The following IQCN variants were observed in gnomAD, a reference collection of about 807,000 sequenced individuals.
IQCN encodes the protein IQ domain-containing protein N.
A neutral mutation model predicts 64.4 loss-of-function variants in IQCN; 46 were observed. The ratio of observed to expected loss-of-function variants is 0.71; its 90% CI spans 0.56 to 0.91. IQCN has a LOEUF of 0.91. Among genes scored for constraint, IQCN ranks in the 40% least tolerant of loss-of-function variants. The pLI, the probability that IQCN is intolerant of heterozygous loss-of-function variation, is 0.00. For missense variants in IQCN, 1,753 were observed against 1,857.4 expected, an observed-to-expected ratio of 0.94 and a Z score of 1.03; for synonymous variants, 733 against 775.6, an observed-to-expected ratio of 0.95 and a Z score of 0.91.
At chr19:18,260,331 GAGGGAT>G (rs1969398085) in intron 3 of IQCN, 1 of 152,550 alleles carries the variant, frequency 6.6e-6, no homozygotes, top group Non-Finnish European at 1.5e-5. Flanking sequence ...TCCAGCCACA[GAGGGAT>G]ATGGTCCACC....
rs377029037 is a variant in IQCN, at chr19:18,267,536, C to T, written c.14-10G>A. The T allele has an allele frequency of 1.3e-5, 20 of 1,511,706 alleles. No homozygotes were observed. Among genetic ancestry groups the T allele is most frequent in the African/African-American group, 4.2e-5 (3 of 71,556 alleles). The allele number at this position is 1,511,706 out of a possible 1,614,324, so 93.6% of individuals were successfully genotyped here. On this transcript the variant is annotated splice_polypyrimidine_tract_variant and intron_variant, in intron 2 of 3. Coordinates refer to ENST00000392413, the MANE Select transcript of IQCN (RefSeq NM_001145304.2). ...GACAGGTCAGCTCTGCCTGTGGGGG[C>T]GGCAGGGGGTGGTCAGGGTGTAGCA...
At chr19:18,258,143 A>G in intron 3 of IQCN, 37 bp from the exon 4 acceptor site, 1 of 1,597,532 alleles carries the variant, frequency 6.3e-7, no homozygotes, top group Non-Finnish European at 8.5e-7. Flanking sequence ...CCTTGTGACT[A>G]ACGGCAGGAT....
At position 18,265,390 on chromosome 19, in the gene IQCN, T is replaced by C. The variant is rs1244196533; in HGVS notation, c.2150A>G (p.His717Arg). The change falls in exon 3 of 4, where the codon CAT becomes CGT. Residue 717 changes from histidine to arginine, a missense_variant. Coordinates refer to ENST00000392413, the MANE Select transcript of IQCN (RefSeq NM_001145304.2). This position sits in a 1 kb window ranked among gnomAD's most constrained non-coding sequence, Gnocchi z 4.7. ...ACCTGTGGCCAGATGTGTCTGGGAATGCATCTTGCTCAGACAGGTGTCCAG... is the reference window on the plus strand; with the variant it reads ...ACCTGTGGCCAGATGTGTCTGGGAACGCATCTTGCTCAGACAGGTGTCCAG... ...AHLDTCLSKM[H>R]SQTHLATGAV... The C allele has an allele frequency of 1.2e-6, 2 of 1,614,060 alleles. No individual in the cohort carries two copies. Among genetic ancestry groups the C allele is most frequent in the African/African-American group, 2.7e-5 (2 of 74,920 alleles).
chr19:18,258,590 C>T (rs988107770), intron 3 of IQCN: 28 of 363,708 alleles, frequency 7.7e-5, no homozygotes, highest in African/African-American at 1.5e-4. Flanking sequence ...CCCTTCTAGC[C>T]GAGGACGGAT....
chr19:18,262,692 C>G (rs1381646966), intron 3 of IQCN: 1 of 152,192 alleles, frequency 6.6e-6, no homozygotes, highest in Non-Finnish European at 1.5e-5. Flanking sequence ...CATAGATGGG[C>G]AGGTTAGCCT....
At chr19:18,269,826 CTG>C (rs1009243024) in intron 1 of IQCN, among the ~76,000 whole-genome samples, 3 of 152,108 alleles carry the variant, frequency 2.0e-5, no homozygotes, top group African/African-American at 7.2e-5. Flanking sequence ...ATGTTTAACA[CTG>C]TATTGTTTAG....
At position 18,264,373 on chromosome 19, in the gene IQCN, T is replaced by G; in HGVS notation, c.3167A>C (p.Gln1056Pro). 1 of 1,488,128 alleles carries G rather than the reference T, an allele frequency of 6.7e-7. No homozygotes were observed. Among genetic ancestry groups the G allele is most frequent in the South Asian group, 1.3e-5 (1 of 75,268 alleles). The allele number at this position is 1,488,128 out of a possible 1,614,324, so 92.2% of individuals were successfully genotyped here. Residue 1056 changes from glutamine (Q) to proline (P), a missense_variant, in exon 3 of 4, where the codon CAG becomes CCG. Coordinates refer to ENST00000392413, the MANE Select transcript of IQCN (RefSeq NM_001145304.2). The surrounding 1 kb of genome is among the most constrained non-coding windows in gnomAD (Gnocchi z 4.3). ...CTGGGAATCCCTGACCTTGCTGGTC[T>G]GTGGTCTCACGGGGCCCAGGGAGGG... The part of the protein sequence containing the change: ...WGPSLGPVRP[Q>P]TSKGPADAGV...
Position 18,264,729 on chromosome 19 carries a change from C to T in IQCN, c.2811G>A (p.Leu937=), listed in dbSNP as rs142516711. Residue 937 remains leucine (L), a synonymous_variant, in exon 3 of 4, where the codon CTG becomes CTA. Coordinates refer to ENST00000392413, the MANE Select transcript of IQCN (RefSeq NM_001145304.2). This position sits in a 1 kb window ranked among gnomAD's most constrained non-coding sequence, Gnocchi z 4.3. ...ALPQSMLSMA[L]VKALSWSELR... ...GCTCACTCCAGGACAGCGCCTTCACCAGCGCCATGCTCAGCATGCTCTGGG... is the reference window on the plus strand; with the variant it reads ...GCTCACTCCAGGACAGCGCCTTCACTAGCGCCATGCTCAGCATGCTCTGGG... 937 of 1,551,110 alleles carry T rather than the reference C, an allele frequency of 6.0e-4. 7 individuals carry two copies. In the African/African-American group the frequency reaches 0.011, roughly 19 times the overall value.
At chr19:18,258,724 G>A (rs1439811673) in intron 3 of IQCN, 2 of 318,340 alleles carry the variant, frequency 6.3e-6, no homozygotes, top group African/African-American at 4.3e-5. Flanking sequence ...GCCAGCTGGG[G>A]TGATCCTGAG....
rs146116362 is a variant in IQCN, at chr19:18,266,778, G to C, written c.762C>G (p.Asp254Glu). 9 of 1,614,162 alleles carry C rather than the reference G, an allele frequency of 5.6e-6. No individual in the cohort carries two copies. Among genetic ancestry groups the C allele is most frequent in the South Asian group, 2.2e-5 (2 of 91,080 alleles). ...TCAGCAGGCATGGCTGGCATTTTGC[G>C]TCCAGACTCACTGGGCAGGGAAATC... Reference protein sequence around the residue: ...TIRFPCPVSLDAKCQPCLLTR... With the variant: ...TIRFPCPVSLEAKCQPCLLTR... The change falls in exon 3 of 4, where the codon GAC (aspartate) becomes GAG (glutamate). Residue 254 changes from aspartate to glutamate, a missense_variant. By Grantham distance (45) the Asp-to-Glu change is conservative. Transcript: ENST00000392413. This position sits in a 1 kb window ranked among gnomAD's most constrained non-coding sequence, Gnocchi z 4.3.
intron 1 of IQCN, among the ~76,000 whole-genome samples, chr19:18,270,758 T>C (rs1969718136): frequency 6.6e-6 from 1 of 151,316 alleles, no homozygotes; most frequent in Non-Finnish European, 1.5e-5. Context: ...GTTCAAGTGA[T>C]TCTTGTGCCT....
chr19:18,258,170 G>C (rs780757439), intron 3 of IQCN, 64 bp from the exon 4 acceptor site: 33 of 1,547,450 alleles, frequency 2.1e-5, no homozygotes, highest in Middle Eastern at 1.7e-4. Flanking sequence ...GGCTATAGGA[G>C]TCCTGCCGTC....
At chr19:18,268,292 C>CA (rs1320471455) in intron 2 of IQCN, among the ~76,000 whole-genome samples, 5 of 150,330 alleles carry the variant, frequency 3.3e-5, no homozygotes, top group South Asian at 2.1e-4. Context: ...TCCTAGAAGA[C>CA]AGAGTCATTT....
chr19:18,269,971 CT>C (rs1366736002), intron 1 of IQCN, among the ~76,000 whole-genome samples: 1 of 146,156 alleles, frequency 6.8e-6, no homozygotes, highest in Non-Finnish European at 1.5e-5. Flanking sequence ...AATCCCAGCA[CT>C]TTGGGAGGCC....
chr19:18,260,748 C>A (rs1969408586), intron 3 of IQCN: 1 of 152,796 alleles, frequency 6.5e-6, no homozygotes, highest in Admixed American at 6.5e-5. Context: ...GTGAGCTAGA[C>A]TTGGAGACAA....
rs541551918 is a variant in IQCN, at chr19:18,258,822, G to T, written c.3178-716C>A. The stretch of plus-strand genomic sequence containing the variant: ...CTGTTGATAAACTGAGGGGGACTTA[G>T]TGGCTAAACCCGGGGCCTGGAAAGG... On this transcript the variant is annotated intron_variant, in intron 3 of 3. Transcript: ENST00000392413. The T allele has an allele frequency of 6.8e-4, 137 of 200,402 alleles. 1 individual carries two copies. The highest frequency in any genetic ancestry group is 1.3e-3 in the Non-Finnish European group (121 of 96,354). 12.4% of individuals were successfully genotyped at this position (200,402 alleles called of 1,614,324 possible). A position where few individuals can be genotyped will look rare whatever the true frequency, so the allele number is the denominator to read the frequency against.
intron 1 of IQCN, among the ~76,000 whole-genome samples, chr19:18,272,231 G>A (rs999645843): frequency 2.6e-5 from 4 of 151,166 alleles, no homozygotes; most frequent in Non-Finnish European, 4.4e-5. Context: ...GGTTTCCAGC[G>A]ATTCTCCTAC....
At chr19:18,263,512 C>G (rs751292092) in intron 3 of IQCN, among the ~76,000 whole-genome samples, 1 of 152,152 alleles carries the variant, frequency 6.6e-6, no homozygotes, top group Non-Finnish European at 1.5e-5. Flanking sequence ...AATGCACTGC[C>G]GGGGGAAGCT....
chr19:18,271,414 G>A (rs1969732415), intron 1 of IQCN, among the ~76,000 whole-genome samples: 1 of 149,476 alleles, frequency 6.7e-6, no homozygotes, highest in Non-Finnish European at 1.5e-5. Context: ...AGGTTGCAGT[G>A]AGCTGAGATC....
Sources: gnomAD v4.1 joint callset for allele counts (sites outside exome capture counted in the v4.1 genomes callset) on GRCh38, gnomAD v4.1.1 for gene constraint, Gnocchi (gnomAD v3.1) non-coding constraint, MANE v1.5 for transcripts, NCBI Gene and HGNC (gene_info 2026-07-23, HGNC 2026-07-21) for gene names.